CD274: variants seen among roughly 807,000 people sequenced by gnomAD.
CD274 encodes the protein programmed cell death 1 ligand 1.
In CD274, 8 loss-of-function variants were observed where a neutral mutation model predicts 30.1. That is an observed-to-expected ratio of 0.27 (90% CI 0.16 to 0.48). The LOEUF is 0.48. Among genes scored for constraint, CD274 ranks in the 20% least tolerant of loss-of-function variants. The probability of loss-of-function intolerance (pLI) is 0.99; values close to 1 mark genes in which losing one functional copy is unlikely to be tolerated. For synonymous variants in CD274, 152 were observed against 124.6 expected (o/e 1.22, Z -1.46); for missense variants, 353 against 346.6 (o/e 1.02, Z -0.15).
At chr9:5,464,493 C>G (rs1819463276) in intron 4 of CD274, among the ~76,000 whole-genome samples, 2 of 152,184 alleles carry the variant, frequency 1.3e-5, no homozygotes, top group South Asian at 4.2e-4. Context: ...GAGAGCTGAG[C>G]CAGGCAGGAG....
chr9:5,451,140 A>G (rs2131201468), intron 1 of CD274, among the ~76,000 whole-genome samples: 1 of 152,310 alleles, frequency 6.6e-6, no homozygotes, highest in South Asian at 2.1e-4. Flanking sequence ...ATAATAAAAC[A>G]TTTCTTAGAC....
chr9:5,463,248 C>G (rs1819439672), intron 4 of CD274, 127 bp downstream of exon 4: 1 of 711,210 alleles, frequency 1.4e-6, no homozygotes, highest in Non-Finnish European at 2.4e-6. Context: ...ACTATGTTTA[C>G]AAAATATATC....
rs142745573 is a variant in CD274, at chr9:5,462,629, T to A, written c.395-205T>A. 2.6e-5 allele frequency among the ~76,000 whole-genome samples: 4 copies of A among 152,302 alleles called. No homozygotes were observed. The East Asian group carries it at 7.7e-4, about 29-fold the overall frequency. The stretch of plus-strand genomic sequence containing the variant: ...ATGATTTTTATAGAAAGATAGTCAT[T>A]CCTATTAATCCAAACTTGTCCCAAC... On this transcript the variant is annotated intron_variant, in intron 3 of 6. Transcript: ENST00000381577.
Position 5,457,189 on chromosome 9 carries a change from G to A in CD274, c.163G>A (p.Val55Ile), listed in dbSNP as rs946190869. The A allele has an allele frequency of 6.2e-7, 1 of 1,614,046 alleles. No individual in the cohort carries two copies. The highest frequency in any genetic ancestry group is 1.1e-5 in the South Asian group (1 of 91,090). ...ACAATTAGACCTGGCTGCACTAATT[G>A]TCTATTGGGAAATGGAGGATAAGAA... The part of the protein sequence containing the change: ...EKQLDLAALI[V>I]YWEMEDKNII... The change falls in exon 3 of 7, where the codon GTC (valine) becomes ATC (isoleucine). Residue 55 changes from valine to isoleucine, a missense_variant. Transcript: ENST00000381577.
Position 5,467,982 on chromosome 9 carries a change from T to G in CD274, c.*120T>G. On this transcript the variant is annotated 3_prime_UTR_variant, in exon 7 of 7. Transcript: ENST00000381577. Reference sequence around the variant, plus strand: ...CCGTGGGATGCAGGCAATGTGGGACTTAAAAGGCCCAAGCACTGAAAATGG... The same window carrying G: ...CCGTGGGATGCAGGCAATGTGGGACGTAAAAGGCCCAAGCACTGAAAATGG... 1 of 843,094 alleles carries G rather than the reference T, an allele frequency of 1.2e-6. No homozygotes were observed. The highest frequency in any genetic ancestry group is 1.4e-5 in the South Asian group (1 of 71,496). The allele number at this position is 843,094 out of a possible 1,614,324, so 52.2% of individuals were successfully genotyped here.
Position 5,465,573 on chromosome 9 carries a change from G to A in CD274, c.757G>A (p.Val253Ile), listed in dbSNP as rs1819484544. Residue 253 changes from valine (V) to isoleucine (I), a missense_variant, in exon 5 of 7, where the codon GTA (valine) becomes ATA (isoleucine). Transcript: ENST00000381577. ...GGGAGCCATCTTATTATGCCTTGGTGTAGCACTGACATTCATCTTCCGTTT... is the reference window on the plus strand; with the variant it reads ...GGGAGCCATCTTATTATGCCTTGGTATAGCACTGACATTCATCTTCCGTTT... ...ILGAILLCLGVALTFIFRLRK... is the reference protein window; with the variant it reads ...ILGAILLCLGIALTFIFRLRK... 3 of 1,606,886 alleles carry A rather than the reference G, an allele frequency of 1.9e-6. No individual in the cohort carries two copies. Among genetic ancestry groups the A allele is most frequent in the Non-Finnish European group, 2.6e-6 (3 of 1,173,518 alleles).
intron 1 of CD274, 81 bp from the exon 2 acceptor site, chr9:5,456,019 G>C (rs1255003058): frequency 7.3e-6 from 6 of 826,446 alleles, no homozygotes; most frequent in Non-Finnish European, 1.0e-5. Flanking sequence ...ATTTCAGTTA[G>C]AACCACCAAG....
chr9:5,461,278 C>T (rs570451046), intron 3 of CD274, among the ~76,000 whole-genome samples: 35 of 152,200 alleles, frequency 2.3e-4, no homozygotes, highest in African/African-American at 8.4e-4. Flanking sequence ...TATCTTCAGT[C>T]CTCAGTTTCT....
In CD274 at chr9:5,465,770, A is replaced by G. The variant is rs1819488349; in HGVS notation, c.790+164A>G. On this transcript the variant is annotated intron_variant, in intron 5 of 6. Transcript: ENST00000381577. ...AGCTGAGTGGGATCACTGGGTGAAGATGAAGCGTAAGGGGTGAGGGGCAGG... is the reference window on the plus strand; with the variant it reads ...AGCTGAGTGGGATCACTGGGTGAAGGTGAAGCGTAAGGGGTGAGGGGCAGG... 4 of 541,624 alleles carry G rather than the reference A, an allele frequency of 7.4e-6. No individual in the cohort carries two copies. In the East Asian group the frequency reaches 1.2e-4, roughly 17 times the overall value. The allele number at this position is 541,624 out of a possible 1,614,324, so 33.6% of individuals were successfully genotyped here. A position where few individuals can be genotyped will look rare whatever the true frequency, so the allele number is the denominator to read the frequency against.
chr9:5,458,812 T>G (rs919721417), intron 3 of CD274, among the ~76,000 whole-genome samples: 1 of 152,204 alleles, frequency 6.6e-6, no homozygotes, highest in Admixed American at 6.5e-5. Flanking sequence ...CTTGAGATGT[T>G]GTGGTTTATA....
At chr9:5,464,766 C>A (rs1819467868) in intron 4 of CD274, among the ~76,000 whole-genome samples, 1 of 152,264 alleles carries the variant, frequency 6.6e-6, no homozygotes, top group Middle Eastern at 3.4e-3. Flanking sequence ...CTGCCATGTA[C>A]TGTAGGCTAC....
intron 1 of CD274, among the ~76,000 whole-genome samples, chr9:5,452,583 T>A (rs1819227158): frequency 6.6e-6 from 1 of 152,236 alleles, no homozygotes; most frequent in Admixed American, 6.5e-5. Flanking sequence ...GATATGAGGT[T>A]TAGAGGTTAA....
intron 6 of CD274, among the ~76,000 whole-genome samples, chr9:5,467,244 C>G (rs1347483994): frequency 6.6e-6 from 1 of 151,724 alleles, no homozygotes; most frequent in Non-Finnish European, 1.5e-5. Context: ...AGAATTTATC[C>G]TCATTTTACA....
intron 1 of CD274, among the ~76,000 whole-genome samples, chr9:5,455,292 G>A (rs1819280155): frequency 6.6e-6 from 1 of 152,156 alleles, no homozygotes; most frequent in African/African-American, 2.4e-5. Context: ...CTTTCACTCT[G>A]ACTTCCGTAT....
At chr9:5,454,848 A>T (rs1230225794) in intron 1 of CD274, among the ~76,000 whole-genome samples, 2 of 152,224 alleles carry the variant, frequency 1.3e-5, no homozygotes, top group Non-Finnish European at 2.9e-5. Flanking sequence ...GGTCAAGCTC[A>T]TAAGTGAAAA....
At chr9:5,461,141 G>C (rs1819396513) in intron 3 of CD274, among the ~76,000 whole-genome samples, 1 of 152,102 alleles carries the variant, frequency 6.6e-6, no homozygotes. Flanking sequence ...ATAATCTTGA[G>C]GTTTGTGTTT....
chr9:5,456,225 A>C, intron 2 of CD274, 60 bp downstream of exon 2: 1 of 1,099,368 alleles, frequency 9.1e-7, no homozygotes, highest in Non-Finnish European at 1.4e-6. Context: ...CATGAGTTTA[A>C]AACTAAAATG....
chr9:5,455,833 T>A lies in CD274; in HGVS notation c.-14-267T>A, dbSNP rs147404702. Among the ~76,000 whole-genome samples, 27 of 152,284 alleles carry A rather than the reference T, an allele frequency of 1.8e-4. No homozygotes were observed. The East Asian group carries it at 3.7e-3, about 21-fold the overall frequency. On this transcript the variant is annotated intron_variant, in intron 1 of 6. Coordinates refer to ENST00000381577, the MANE Select transcript of CD274 (RefSeq NM_014143.4). ...TATTATCTTCTTGGCTTCTTTTGAG[T>A]GGGCAGATTTTTTTCACGGCCTGTA... is the stretch of plus-strand genomic sequence containing the variant.
intron 5 of CD274, 99 bp from the exon 6 acceptor site, chr9:5,466,671 A>T: frequency 1.2e-6 from 1 of 857,658 alleles, no homozygotes; most frequent in Non-Finnish European, 1.9e-6. Context: ...CTTCCTAGGG[A>T]TTACAAATGT....
Sources: allele counts gnomAD v4.1 joint callset (sites outside exome capture counted in the v4.1 genomes callset), GRCh38; gene constraint gnomAD v4.1.1; transcripts MANE v1.5; gene names NCBI Gene and HGNC (gene_info 2026-07-23, HGNC 2026-07-21).